Variants in TMEM200A observed in about 807,000 individuals in gnomAD.
TMEM200A encodes transmembrane protein 200A.
A neutral mutation model predicts 24.3 loss-of-function variants in TMEM200A; 12 were observed. The ratio of observed to expected loss-of-function variants is 0.49; its 90% confidence interval spans 0.32 to 0.80. The LOEUF (loss-of-function observed/expected upper bound fraction) is 0.80, where lower values mean the gene tolerates loss of function less well. Ranked by LOEUF, TMEM200A falls within the 30% of genes least tolerant of loss-of-function variation. The pLI is 0.04. For missense variants in TMEM200A, 545 were observed against 614.4 expected, an observed-to-expected ratio of 0.89 and a Z score of 1.19; for synonymous variants, 224 against 224.4, an observed-to-expected ratio of 1.00 and a Z score of 0.02.
chr6:130,375,812 A>T lies in TMEM200A; in HGVS notation c.-81+9288A>T, dbSNP rs79670973. On this transcript the variant is annotated intron_variant, in intron 1 of 2. Transcript: ENST00000296978. ...TTTATTAAAAATGAGTGTTGAGATG[A>T]AGAGTGCAAAGTATTACCTCACTGT... Among the ~76,000 whole-genome samples the T allele has an allele frequency of 2.6e-5, 4 of 152,290 alleles. No homozygotes were observed. In the East Asian group the frequency reaches 5.8e-4, roughly 22 times the overall value.
rs911565937 is a variant in TMEM200A, at chr6:130,366,603, A to G, written c.-81+79A>G. ...CGCAGCCGAAACCGGGCACTTCTTC[A>G]GCCCTCTGCCCTCCCCTCCCCTCCG... On this transcript the variant is annotated intron_variant, in intron 1 of 2. Coordinates refer to ENST00000296978, the MANE Select transcript of TMEM200A (RefSeq NM_001258277.2). This position sits in a 1 kb window ranked among gnomAD's most constrained non-coding sequence, Gnocchi z 4.4. 2.0e-6 allele frequency: 2 copies of G among 981,814 alleles called. No homozygotes were observed. The highest frequency in any genetic ancestry group is 2.4e-6 in the Non-Finnish European group (2 of 826,700). The allele number at this position is 981,814 out of a possible 1,614,324, so 60.8% of individuals were successfully genotyped here.
intron 1 of TMEM200A, among the ~76,000 whole-genome samples, chr6:130,367,736 C>T (rs924453821): frequency 1.3e-5 from 2 of 152,108 alleles, no homozygotes; most frequent in African/African-American, 2.4e-5. Context: ...ATAATGCTTC[C>T]ATTAAGTGGA....
intron 2 of TMEM200A, among the ~76,000 whole-genome samples, chr6:130,406,063 T>C (rs1247278124): frequency 6.6e-6 from 1 of 152,196 alleles, no homozygotes; most frequent in East Asian, 1.9e-4. Context: ...AGGAAGGAGC[T>C]CATACATCAT....
intron 2 of TMEM200A, among the ~76,000 whole-genome samples, chr6:130,387,484 G>A (rs1365810015): frequency 6.6e-6 from 1 of 152,152 alleles, no homozygotes; most frequent in Admixed American, 6.5e-5. Flanking sequence ...TGTTGGCCAG[G>A]CTGGTCTCGA....
intron 2 of TMEM200A, among the ~76,000 whole-genome samples, chr6:130,424,441 A>T (rs371036392): frequency 6.6e-6 from 1 of 152,100 alleles, no homozygotes; most frequent in Admixed American, 6.6e-5. Context: ...CTCATTTTTC[A>T]TACTTTCCCC....
chr6:130,389,009 TA>T (rs1778774873), intron 2 of TMEM200A, among the ~76,000 whole-genome samples: 1 of 152,160 alleles, frequency 6.6e-6, no homozygotes, highest in Admixed American at 6.5e-5. Context: ...AAAATACATA[TA>T]ATATGAAAGT....
chr6:130,395,709 T>C (rs570772844), intron 2 of TMEM200A, among the ~76,000 whole-genome samples: 3 of 152,344 alleles, frequency 2.0e-5, no homozygotes, highest in Non-Finnish European at 4.4e-5. Context: ...TATTTGTTAA[T>C]GACAGAACAG....
chr6:130,430,679 G>A (rs893161727), intron 2 of TMEM200A, among the ~76,000 whole-genome samples: 1 of 152,082 alleles, frequency 6.6e-6, no homozygotes, highest in South Asian at 2.1e-4. Context: ...TTTACAAGTG[G>A]AATAGATCAT....
intron 2 of TMEM200A, among the ~76,000 whole-genome samples, chr6:130,422,671 G>A (rs1431765383): frequency 6.6e-6 from 1 of 152,106 alleles, no homozygotes; most frequent in African/African-American, 2.4e-5. Flanking sequence ...CCTGAATGTT[G>A]TTTTGATTGT....
At chr6:130,384,034 C>A (rs908306060) in intron 1 of TMEM200A, among the ~76,000 whole-genome samples, 1 of 152,034 alleles carries the variant, frequency 6.6e-6, no homozygotes. Context: ...GCACGAGAAT[C>A]GCCTGAACCC....
At chr6:130,424,954 A>G (rs1336694170) in intron 2 of TMEM200A, among the ~76,000 whole-genome samples, 1 of 152,004 alleles carries the variant, frequency 6.6e-6, no homozygotes, top group Non-Finnish European at 1.5e-5. Flanking sequence ...CCTTTCTTTG[A>G]AAACAGCTTG....
At chr6:130,403,696 G>A (rs992638799) in intron 2 of TMEM200A, among the ~76,000 whole-genome samples, 1 of 151,482 alleles carries the variant, frequency 6.6e-6, no homozygotes, top group African/African-American at 2.4e-5. Context: ...TTTAAGTTCA[G>A]GGGTACAAGT....
At chr6:130,374,489 C>T (rs1284310729) in intron 1 of TMEM200A, among the ~76,000 whole-genome samples, 1 of 151,786 alleles carries the variant, frequency 6.6e-6, no homozygotes, top group South Asian at 2.1e-4. Context: ...GATCTGAGCT[C>T]ACTGCAATCT....
At chr6:130,365,568 C>T, upstream of TMEM200A, 1 of 985,354 alleles carries the variant, frequency 1.0e-6, no homozygotes, top group Non-Finnish European at 1.2e-6. Flanking sequence ...TACTGCGAGT[C>T]GGCTGGAGCT....
chr6:130,384,462 C>T (rs1158222129), intron 1 of TMEM200A, among the ~76,000 whole-genome samples: 2 of 152,084 alleles, frequency 1.3e-5, no homozygotes, highest in Non-Finnish European at 2.9e-5. Flanking sequence ...CAAGTGTATG[C>T]CATCACACCC....
intron 2 of TMEM200A, among the ~76,000 whole-genome samples, chr6:130,400,550 A>T: frequency 6.6e-6 from 1 of 150,974 alleles, no homozygotes; most frequent in Non-Finnish European, 1.5e-5. Flanking sequence ...CTTATCTTTA[A>T]CTGGCACTGT....
At chr6:130,425,017 A>C (rs1408776049) in intron 2 of TMEM200A, among the ~76,000 whole-genome samples, 1 of 151,724 alleles carries the variant, frequency 6.6e-6, no homozygotes. Context: ...CTCTTACTCC[A>C]TCCCCAGAGT....
rs1345259290 is a variant in TMEM200A, at chr6:130,442,777, A to G, written c.*879A>G. On this transcript the variant is annotated 3_prime_UTR_variant, in exon 3 of 3. Transcript: ENST00000296978. ...CAGTACCTGTTTTTAGCCATCTGTT[A>G]CTGTCCAATAGCACCTCATTCCCAC... 6.0e-6 allele frequency: 1 copy of G among 167,066 alleles called. No homozygotes were observed. The highest frequency in any genetic ancestry group is 1.5e-5 in the Non-Finnish European group (1 of 68,098). The allele number at this position is 167,066 out of a possible 1,614,324, so 10.3% of individuals were successfully genotyped here.
Position 130,404,854 on chromosome 6 carries a change from G to A in TMEM200A, c.-17+19618G>A, listed in dbSNP as rs887915095. ...AATTTTTGTATATGGTGTAAGGAAG[G>A]GGTCCATTTTCAATCTTCTGCATAT... is the stretch of plus-strand genomic sequence containing the variant. On this transcript the variant is annotated intron_variant, in intron 2 of 2. Coordinates refer to ENST00000296978, the MANE Select transcript of TMEM200A (RefSeq NM_001258277.2). 2.0e-5 allele frequency among the ~76,000 whole-genome samples: 3 copies of A among 152,244 alleles called. No individual in the cohort carries two copies. The East Asian group carries it at 5.8e-4, about 29-fold the overall frequency.
Sources: gnomAD v4.1 joint callset for allele counts (sites outside exome capture counted in the v4.1 genomes callset) on GRCh38, gnomAD v4.1.1 for gene constraint, Gnocchi (gnomAD v3.1) non-coding constraint, MANE v1.5 for transcripts, NCBI Gene and HGNC (gene_info 2026-07-23, HGNC 2026-07-21) for gene names.